The following PRKD1 variants were observed in gnomAD, a reference collection of about 807,000 sequenced individuals.
The protein encoded by PRKD1 is protein kinase D1.
Under a neutral mutation model 95.9 loss-of-function variants are expected in PRKD1, and 63 were observed. That is an observed-to-expected ratio of 0.66 (90% CI 0.54 to 0.81). The LOEUF is 0.81. PRKD1 is among the 30% of genes least tolerant of loss of function. The pLI is 0.00. For missense variants in PRKD1, 1,048 were observed against 1,165.3 expected, an observed-to-expected ratio of 0.90 and a Z score of 1.47; for synonymous variants, 425 against 423.1, an observed-to-expected ratio of 1.00 and a Z score of -0.05.
At chr14:29,869,209 G>A (rs563275229) in intron 1 of PRKD1, among the ~76,000 whole-genome samples, 32 of 152,066 alleles carry the variant, frequency 2.1e-4, no homozygotes, top group Admixed American at 1.4e-3. Flanking sequence ...TTGGGAGGCC[G>A]AGGAGGATGG....
At chr14:29,599,916 A>G (rs1417226820) in intron 13 of PRKD1, 99 bp from the exon 14 acceptor site, 6 of 1,073,962 alleles carry the variant, frequency 5.6e-6, no homozygotes, top group Non-Finnish European at 7.7e-6. Flanking sequence ...AGAGCTATAG[A>G]GAAACCCACA....
chr14:29,684,743 G>A (rs1165868216), intron 2 of PRKD1, among the ~76,000 whole-genome samples: 1 of 152,188 alleles, frequency 6.6e-6, no homozygotes, highest in Non-Finnish European at 1.5e-5. Context: ...GAAGGACAGT[G>A]TTCATTGGGT....
intron 1 of PRKD1, among the ~76,000 whole-genome samples, chr14:29,906,222 C>T (rs45600434): frequency 6.6e-6 from 1 of 151,736 alleles, no homozygotes; most frequent in Non-Finnish European, 1.5e-5. Flanking sequence ...TTAAAGTAAG[C>T]GTTAAGTTTA....
chr14:29,752,255 A>G (rs1887510857), intron 1 of PRKD1, among the ~76,000 whole-genome samples: 1 of 152,218 alleles, frequency 6.6e-6, no homozygotes, highest in South Asian at 2.1e-4. Flanking sequence ...ATTTATAAAG[A>G]ACATTTTTTT....
chr14:29,861,849 T>A (rs1892721892), intron 1 of PRKD1, among the ~76,000 whole-genome samples: 1 of 152,166 alleles, frequency 6.6e-6, no homozygotes, highest in African/African-American at 2.4e-5. Flanking sequence ...AGATGGGATT[T>A]CACCATATTG....
intron 1 of PRKD1, among the ~76,000 whole-genome samples, chr14:29,757,270 C>T (rs528009662): frequency 6.6e-6 from 1 of 152,248 alleles, no homozygotes; most frequent in East Asian, 1.9e-4. Context: ...CCAAAGGATT[C>T]TGGGATGAAA....
chr14:29,658,622 G>A (rs45523334), intron 4 of PRKD1, among the ~76,000 whole-genome samples: 89 of 152,220 alleles, frequency 5.8e-4, no homozygotes, highest in African/African-American at 2.0e-3. Flanking sequence ...GGAAAAGAGA[G>A]CGACCTGTTT....
intron 2 of PRKD1, among the ~76,000 whole-genome samples, chr14:29,710,166 A>G (rs980204096): frequency 6.6e-6 from 1 of 152,164 alleles, no homozygotes; most frequent in Non-Finnish European, 1.5e-5. Flanking sequence ...AATCTTCCTG[A>G]TGGAAGAATT....
chr14:29,616,883 A>C (rs1472783128), intron 13 of PRKD1, among the ~76,000 whole-genome samples: 1 of 152,138 alleles, frequency 6.6e-6, no homozygotes, highest in Non-Finnish European at 1.5e-5. Flanking sequence ...TTTGGTATAC[A>C]CTTGGTTTCA....
chr14:29,685,756 G>GTA (rs1555335493), intron 2 of PRKD1, among the ~76,000 whole-genome samples: 1 of 151,854 alleles, frequency 6.6e-6, no homozygotes, highest in Non-Finnish European at 1.5e-5. Context: ...GTGTGTGTGT[G>GTA]TACAGTCTTT....
At chr14:29,794,401 T>C (rs1028787997) in intron 1 of PRKD1, among the ~76,000 whole-genome samples, 2 of 152,090 alleles carry the variant, frequency 1.3e-5, no homozygotes, top group Non-Finnish European at 2.9e-5. Flanking sequence ...AAGGTTTTTT[T>C]TGAGGGGGTG....
At chr14:29,747,984 T>C (rs886388454) in intron 1 of PRKD1, among the ~76,000 whole-genome samples, 5 of 152,130 alleles carry the variant, frequency 3.3e-5, no homozygotes, top group Non-Finnish European at 5.9e-5. Context: ...CCTCAAGTGA[T>C]CCTCCCACCT....
chr14:29,887,277 G>A (rs985028072), intron 1 of PRKD1, among the ~76,000 whole-genome samples: 1 of 152,092 alleles, frequency 6.6e-6, no homozygotes, highest in South Asian at 2.1e-4. Flanking sequence ...TTTTCCTCTG[G>A]CACAAAGATG....
At chr14:29,925,268 C>T (rs1437929294) in intron 1 of PRKD1, among the ~76,000 whole-genome samples, 1 of 152,186 alleles carries the variant, frequency 6.6e-6, no homozygotes, top group East Asian at 1.9e-4. Flanking sequence ...CCAACTAGCT[C>T]ATGACTGAAC....
rs756695901 is a variant in PRKD1, at chr14:29,725,694, G to A, written c.265-20C>T. 32 of 1,608,076 alleles carry A rather than the reference G, an allele frequency of 2.0e-5. No homozygotes were observed. The highest frequency in any genetic ancestry group is 2.7e-5 in the Non-Finnish European group (32 of 1,176,794). ...AGGGAACTGCAAATACAAATACCAT[G>A]AGAGTGTAAATGTCAAAATCCTTCC... On this transcript the variant is annotated intron_variant, in intron 1 of 17. Coordinates refer to ENST00000331968, the MANE Select transcript of PRKD1 (RefSeq NM_002742.3).
chr14:29,825,908 T>G (rs1040494285), intron 1 of PRKD1, among the ~76,000 whole-genome samples: 3 of 152,020 alleles, frequency 2.0e-5, no homozygotes, highest in Non-Finnish European at 2.9e-5. Flanking sequence ...CACCTATACT[T>G]GGGTTTTGCT....
chr14:29,874,214 G>A (rs1265136482), intron 1 of PRKD1, among the ~76,000 whole-genome samples: 1 of 152,144 alleles, frequency 6.6e-6, no homozygotes, highest in Non-Finnish European at 1.5e-5. Context: ...AGTGCCAACA[G>A]ATATATGAAA....
At chr14:29,592,405 A>G (rs927839154) in intron 16 of PRKD1, among the ~76,000 whole-genome samples, 1 of 152,220 alleles carries the variant, frequency 6.6e-6, no homozygotes, top group Non-Finnish European at 1.5e-5. Context: ...ATAACTATAT[A>G]TATGATGTAT....
At chr14:29,703,950 C>A (rs978980309) in intron 2 of PRKD1, among the ~76,000 whole-genome samples, 4 of 152,140 alleles carry the variant, frequency 2.6e-5, no homozygotes, top group African/African-American at 4.8e-5. Context: ...TCAGAGTGGG[C>A]AAGCCAGTGC....
Sources: gnomAD v4.1 joint callset for allele counts (sites outside exome capture counted in the v4.1 genomes callset) on GRCh38, gnomAD v4.1.1 for gene constraint, MANE v1.5 for transcripts, NCBI Gene and HGNC (gene_info 2026-07-23, HGNC 2026-07-21) for gene names.